The following CGNL1 variants were observed in gnomAD, a reference collection of about 807,000 sequenced individuals.
CGNL1 encodes the protein cingulin-like protein 1.
A neutral mutation model predicts 141.2 loss-of-function variants in CGNL1; 132 were observed. The ratio of observed to expected loss-of-function variants is 0.93; its 90% CI spans 0.81 to 1.08. CGNL1 has a LOEUF of 1.08. Ranked by LOEUF, CGNL1 falls within the 50% of genes least tolerant of loss-of-function variation. The pLI, the probability that CGNL1 is intolerant of heterozygous loss-of-function variation, is 0.00. For synonymous variants in CGNL1, 690 were observed against 622.1 expected, an observed-to-expected ratio of 1.11 and a Z score of -1.63; for missense variants, 1,870 against 1,588.6, an observed-to-expected ratio of 1.18 and a Z score of -3.01.
intron 8 of CGNL1, among the ~76,000 whole-genome samples, chr15:57,505,097 C>T (rs2064083118): frequency 6.6e-6 from 1 of 152,080 alleles, no homozygotes; most frequent in Non-Finnish European, 1.5e-5. Flanking sequence ...AACAGCATGG[C>T]TGGGAAACAA....
In CGNL1 at chr15:57,544,477, A is replaced by G. The variant is rs559119494; in HGVS notation, c.3380A>G (p.Lys1127Arg). Residue 1127 changes from lysine (K) to arginine (R), a missense_variant, in exon 16 of 19, where the codon AAG becomes AGG. Lys to Arg is a conservative substitution (Grantham distance 26). Coordinates refer to ENST00000281282, the MANE Select transcript of CGNL1 (RefSeq NM_032866.5). ...AGTCTCCCTGTGTTGTTCCAGAACA[A>G]GGACTTAAAGAGCCGGATTATCCAC... ...CDKISLERQNKDLKSRIIHLE... is the reference protein window; with the variant it reads ...CDKISLERQNRDLKSRIIHLE... 3.7e-5 allele frequency: 59 copies of G among 1,614,090 alleles called. 1 individual carries two copies. The South Asian group carries it at 6.2e-4, about 17-fold the overall frequency.
At chr15:57,519,577 A>T (rs528754973) in intron 10 of CGNL1, among the ~76,000 whole-genome samples, 1 of 152,274 alleles carries the variant, frequency 6.6e-6, no homozygotes, top group East Asian at 1.9e-4. Flanking sequence ...CCTGAGTTCA[A>T]TGTCTGACTG....
At chr15:57,399,691 G>A (rs571324430) in intron 1 of CGNL1, among the ~76,000 whole-genome samples, 11 of 152,146 alleles carry the variant, frequency 7.2e-5, no homozygotes, top group South Asian at 4.2e-4. Flanking sequence ...TCTTCGGAGC[G>A]GAGTATGGAA....
At chr15:57,477,048 CAT>C (rs1207091532) in intron 8 of CGNL1, among the ~76,000 whole-genome samples, 4 of 152,132 alleles carry the variant, frequency 2.6e-5, no homozygotes, top group African/African-American at 9.7e-5. Flanking sequence ...AATTTCTGCA[CAT>C]GTTTCTCAAG....
chr15:57,380,842 G>A (rs1454110837), intron 1 of CGNL1, among the ~76,000 whole-genome samples: 3 of 152,200 alleles, frequency 2.0e-5, no homozygotes, highest in African/African-American at 4.8e-5. Flanking sequence ...AAGCTTAGTA[G>A]CGGCTACCTC....
chr15:57,509,546 G>A (rs1229087787), intron 8 of CGNL1, among the ~76,000 whole-genome samples: 2 of 152,208 alleles, frequency 1.3e-5, no homozygotes, highest in Non-Finnish European at 2.9e-5. Flanking sequence ...GAGTCAGGCA[G>A]AACATGCAAA....
intron 8 of CGNL1, among the ~76,000 whole-genome samples, chr15:57,472,605 A>C (rs1301635343): frequency 6.6e-6 from 1 of 152,136 alleles, no homozygotes; most frequent in Non-Finnish European, 1.5e-5. Context: ...GGTCTCTTCC[A>C]CAATTTCATT....
chr15:57,543,347 T>G (rs943711658), intron 14 of CGNL1, among the ~76,000 whole-genome samples: 2 of 152,126 alleles, frequency 1.3e-5, no homozygotes, highest in African/African-American at 4.8e-5. Context: ...ATAATCTCAT[T>G]TTTAACTTGA....
rs527540006 is a variant in CGNL1, at chr15:57,452,087, G to A, written c.1906-54G>A. 3 of 1,501,544 alleles carry A rather than the reference G, an allele frequency of 2.0e-6. No homozygotes were observed. The South Asian group carries it at 3.9e-5, about 20-fold the overall frequency. The allele number at this position is 1,501,544 out of a possible 1,614,324, so 93.0% of individuals were successfully genotyped here. On this transcript the variant is annotated intron_variant, in intron 5 of 18. Coordinates refer to ENST00000281282, the MANE Select transcript of CGNL1 (RefSeq NM_032866.5). ...GCTTGTTGAGAAGTAGGCTTCTGTG[G>A]GGTTACGTTAATGTACAGTGGAGGC...
At chr15:57,421,761 G>A (rs2062917763) in intron 1 of CGNL1, among the ~76,000 whole-genome samples, 1 of 152,088 alleles carries the variant, frequency 6.6e-6, no homozygotes, top group Non-Finnish European at 1.5e-5. Context: ...ATGCAGAGCT[G>A]TCAGGCGTCG....
intron 8 of CGNL1, among the ~76,000 whole-genome samples, chr15:57,511,757 T>C (rs759587239): frequency 7.2e-5 from 11 of 152,252 alleles, no homozygotes; most frequent in Non-Finnish European, 1.2e-4. Context: ...GTGATGAATC[T>C]GGTGCGGTGT....
At chr15:57,496,475 C>A (rs1412811897) in intron 8 of CGNL1, among the ~76,000 whole-genome samples, 1 of 152,130 alleles carries the variant, frequency 6.6e-6, no homozygotes, top group African/African-American at 2.4e-5. Flanking sequence ...GCCTGATGAT[C>A]TCAGATGGAA....
chr15:57,522,151 T>G (rs938415227), intron 10 of CGNL1, among the ~76,000 whole-genome samples: 8 of 152,210 alleles, frequency 5.3e-5, no homozygotes, highest in Non-Finnish European at 8.8e-5. Flanking sequence ...ACCTTTCTTT[T>G]TGCCACCATC....
At chr15:57,503,922 A>G (rs2064063296) in intron 8 of CGNL1, among the ~76,000 whole-genome samples, 1 of 152,152 alleles carries the variant, frequency 6.6e-6, no homozygotes, top group African/African-American at 2.4e-5. Flanking sequence ...GATACAATTC[A>G]AATTGAGATT....
At chr15:57,442,294 G>C in intron 3 of CGNL1, 79 bp from the exon 4 acceptor site, 2 of 806,778 alleles carry the variant, frequency 2.5e-6, no homozygotes, top group Non-Finnish European at 4.1e-6. Flanking sequence ...GGACCTGTTG[G>C]GTGTGTGTCA....
chr15:57,535,302 TAC>T lies in CGNL1; in HGVS notation c.3291+3525_3291+3526del, dbSNP rs1389447155. Among the ~76,000 whole-genome samples the T allele has an allele frequency of 2.6e-5, 4 of 152,236 alleles. No homozygotes were observed. In the East Asian group the frequency reaches 5.8e-4, roughly 22 times the overall value. On this transcript the variant is annotated intron_variant, in intron 14 of 18. Coordinates refer to ENST00000281282, the MANE Select transcript of CGNL1 (RefSeq NM_032866.5). ...GAAATGGTCCCTGACCTTGAGTTGC[TAC>T]AGTTTGTTTGAGGAGATGGGTCAGA...
At chr15:57,424,762 A>T (rs1052513215) in intron 1 of CGNL1, among the ~76,000 whole-genome samples, 9 of 152,202 alleles carry the variant, frequency 5.9e-5, no homozygotes, top group Non-Finnish European at 8.8e-5. Flanking sequence ...TTGTTTGAAT[A>T]AAAAAAGGTG....
At chr15:57,383,606 CTTTTCTTTTCTT>C in intron 1 of CGNL1, among the ~76,000 whole-genome samples, 1 of 72,492 alleles carries the variant, frequency 1.4e-5, no homozygotes, top group African/African-American at 8.0e-5. Context: ...CTTTTCTTTT[CTTTTCTTTTCTT>C]TTCTTTTCTT....
intron 8 of CGNL1, among the ~76,000 whole-genome samples, chr15:57,493,309 G>GAT (rs2063892068): frequency 6.6e-6 from 1 of 152,120 alleles, no homozygotes; most frequent in Non-Finnish European, 1.5e-5. Flanking sequence ...TTTTGACAGG[G>GAT]TTACTAGGCA....
Sources: allele counts gnomAD v4.1 joint callset (sites outside exome capture counted in the v4.1 genomes callset), GRCh38; gene constraint gnomAD v4.1.1; transcripts MANE v1.5; gene names NCBI Gene and HGNC (gene_info 2026-07-23, HGNC 2026-07-21).